The following TDRD12 variants were observed in gnomAD, a reference collection of about 807,000 sequenced individuals.
TDRD12 encodes putative ATP-dependent RNA helicase TDRD12.
In TDRD12, 158 loss-of-function variants were observed where a neutral mutation model predicts 133.5. That is an observed-to-expected ratio of 1.18 (90% CI 1.04 to 1.35). The LOEUF is 1.35. Among genes scored for constraint, TDRD12 ranks in the 40% most tolerant of loss-of-function variants. The probability of loss-of-function intolerance (pLI) is 0.00; values close to 1 mark genes in which losing one functional copy is unlikely to be tolerated. For synonymous variants in TDRD12, 460 were observed against 477.9 expected (o/e 0.96, Z 0.49); for missense variants, 1,443 against 1,321.3 (o/e 1.09, Z -1.43).
At chr19:32,802,310 T>C (rs957372690) in intron 19 of TDRD12, among the ~76,000 whole-genome samples, 8 of 150,466 alleles carry the variant, frequency 5.3e-5, no homozygotes, top group African/African-American at 1.9e-4. Context: ...TATATATATA[T>C]TCATGTATAT....
rs113346765 is a variant in TDRD12, at chr19:32,827,336, ACAGT to A, written c.*177_*180del. On this transcript the variant is annotated 3_prime_UTR_variant, in exon 10 of 10. Coordinates refer to the TDRD12 transcript ENST00000637289. The stretch of plus-strand genomic sequence containing the variant: ...TGCCATGTGACCGACAGTTAAGAAA[ACAGT>A]CAGTCATAACCAAATCTTTTTCTTT... The A allele has an allele frequency of 1.1e-3, 921 of 872,638 alleles. 8 individuals carry two copies. The African/African-American group carries it at 0.015, about 14-fold the overall frequency. 54.1% of individuals were successfully genotyped at this position (872,638 alleles called of 1,614,324 possible). A position where few individuals can be genotyped will look rare whatever the true frequency, so the allele number is the denominator to read the frequency against.
intron 2 of TDRD12, among the ~76,000 whole-genome samples, chr19:32,732,313 G>A (rs1400900303): frequency 2.0e-5 from 3 of 152,086 alleles, no homozygotes; most frequent in South Asian, 2.1e-4. Context: ...CCAGTGTAAG[G>A]TTCTTTAGGT....
chr19:32,800,248 G>A, exon 17 of TDRD12: 1 of 1,534,886 alleles, frequency 6.5e-7, no homozygotes, highest in Non-Finnish European at 8.7e-7. Flanking sequence ...TGTTGCAGTT[G>A]GAGTTCATTG....
intron 21 of TDRD12, among the ~76,000 whole-genome samples, chr19:32,803,442 A>G (rs900160029): frequency 2.0e-5 from 3 of 152,010 alleles, no homozygotes; most frequent in Non-Finnish European, 2.9e-5. Context: ...GTGTGTATCT[A>G]TGGTTTGTTT....
exon 3 of TDRD12, chr19:32,738,877 G>C (rs1969304664): frequency 6.4e-7 from 1 of 1,551,174 alleles, no homozygotes; most frequent in Non-Finnish European, 8.7e-7. Context: ...CTATTGTGAG[G>C]AGCTAAAGTG....
Position 32,791,043 on chromosome 19 carries a change from C to A in TDRD12, c.1262C>A (p.Ser421Ter). 6.5e-7 allele frequency: 1 copy of A among 1,536,146 alleles called. No homozygotes were observed. The highest frequency in any genetic ancestry group is 8.7e-7 in the Non-Finnish European group (1 of 1,146,912). ...AAGCCCTGCTTAACCATTGACTCGT[C>A]GCCGCTGTCAGCAGACCTGAAGAAG... Residue 421 changes from serine to a stop codon, truncating the protein, a stop_gained, in exon 13 of 28, where the codon TCG (serine) becomes TAG (stop). Coordinates refer to ENST00000444215, the Ensembl canonical transcript of TDRD12. LOFTEE classifies it high-confidence loss of function.
intron 12 of TDRD12, 182 bp downstream of exon 12, chr19:32,790,773 T>A: frequency 1.3e-6 from 2 of 1,507,418 alleles, no homozygotes; most frequent in Non-Finnish European, 1.8e-6. Flanking sequence ...AAATTGTTCC[T>A]TGTTTTTTGG....
At chr19:32,751,453 G>A (rs1969825201) in intron 6 of TDRD12, among the ~76,000 whole-genome samples, 1 of 152,094 alleles carries the variant, frequency 6.6e-6, no homozygotes, top group Admixed American at 6.6e-5. Context: ...CTTTGAGGCT[G>A]CAGATAGCCA....
At chr19:32,820,998 A>C (rs1599631723) in intron 27 of TDRD12, 35 bp from the exon 28 acceptor site, 19 of 1,507,658 alleles carry the variant, frequency 1.3e-5, no homozygotes, top group Admixed American at 6.1e-5. Flanking sequence ...GTTCCTGTAG[A>C]GAGCCAGGTG....
In TDRD12 at chr19:32,800,781, A is replaced by G. The variant is rs532330369; in HGVS notation, c.2079+9A>G. On this transcript the variant is annotated intron_variant, in intron 18 of 27. Coordinates refer to ENST00000444215, the Ensembl canonical transcript of TDRD12. ...CAGAAATAGTGTGTAAGGTGAGTCC[A>G]TCTCCATATAAAAAATGTTCTGTTT... The G allele has an allele frequency of 3.4e-5, 52 of 1,511,066 alleles. No homozygotes were observed. Among genetic ancestry groups the G allele is most frequent in the African/African-American group, 2.4e-4 (17 of 71,516 alleles). 93.6% of individuals were successfully genotyped at this position (1,511,066 alleles called of 1,614,324 possible). A position where few individuals can be genotyped will look rare whatever the true frequency, so the allele number is the denominator to read the frequency against.
chr19:32,724,258 G>T (rs755865929), intron 1 of TDRD12, among the ~76,000 whole-genome samples: 1 of 152,136 alleles, frequency 6.6e-6, no homozygotes, highest in African/African-American at 2.4e-5. Flanking sequence ...GGATACAAGT[G>T]CAGGACCTGC....
chr19:32,801,968 A>C (rs927160901), intron 19 of TDRD12, 95 bp downstream of exon 19: 93 of 468,418 alleles, frequency 2.0e-4, no homozygotes, highest in Middle Eastern at 9.5e-4. Context: ...CAGATTTCTC[A>C]TTATTCCCCA....
chr19:32,802,765 G>A, exon 20 of TDRD12: 2 of 1,536,704 alleles, frequency 1.3e-6, no homozygotes, highest in Non-Finnish European at 1.7e-6. Context: ...TGTATTGCAT[G>A]TCTGATCATT....
chr19:32,802,638 C>T lies in TDRD12; in HGVS notation c.2198-18C>T, dbSNP rs1351852488. 26 of 1,534,464 alleles carry T rather than the reference C, an allele frequency of 1.7e-5. No individual in the cohort carries two copies. The South Asian group carries it at 1.8e-4, about 11-fold the overall frequency. ...GTAACTCCAGCGCGTGTGACATTGTCGGACTCCCTCTCTGCAGCCCTCACA... is the reference window on the plus strand; with the variant it reads ...GTAACTCCAGCGCGTGTGACATTGTTGGACTCCCTCTCTGCAGCCCTCACA... On this transcript the variant is annotated intron_variant, in intron 19 of 27. Coordinates refer to ENST00000444215, the Ensembl canonical transcript of TDRD12.
chr19:32,802,562 T>C (rs941475573), intron 19 of TDRD12, 94 bp from the exon 20 acceptor site: 6 of 1,353,298 alleles, frequency 4.4e-6, no homozygotes, highest in African/African-American at 4.4e-5. Flanking sequence ...AAATGTGATA[T>C]GGAAATGCAC....
downstream of TDRD12, among the ~76,000 whole-genome samples, chr19:32,823,401 T>C (rs1228961637): frequency 6.6e-6 from 1 of 151,810 alleles, no homozygotes; most frequent in African/African-American, 2.4e-5. Flanking sequence ...TGGGAGGGGA[T>C]TGTTGTGAAG....
At chr19:32,751,128 C>G (rs1454161836) in intron 6 of TDRD12, among the ~76,000 whole-genome samples, 1 of 148,736 alleles carries the variant, frequency 6.7e-6, no homozygotes, top group African/African-American at 2.5e-5. Context: ...CCGACAGGCC[C>G]CAGTGTGTGT....
chr19:32,790,819 T>G (rs1448670638), intron 12 of TDRD12, 145 bp from the exon 13 acceptor site: 15 of 1,449,722 alleles, frequency 1.0e-5, no homozygotes, highest in African/African-American at 6.0e-5. Flanking sequence ...GTTTGGTGGT[T>G]TTTTTTTTCT....
intron 21 of TDRD12, among the ~76,000 whole-genome samples, chr19:32,806,816 C>T (rs1486534308): frequency 6.6e-6 from 1 of 152,056 alleles, no homozygotes; most frequent in Non-Finnish European, 1.5e-5. Flanking sequence ...CACCTGCCAC[C>T]ATGCGCAGCT....
Sources: gnomAD v4.1 joint callset for allele counts (sites outside exome capture counted in the v4.1 genomes callset) on GRCh38, gnomAD v4.1.1 for gene constraint, MANE v1.5 for transcripts, NCBI Gene and HGNC (gene_info 2026-07-23, HGNC 2026-07-21) for gene names.